Variants in MTDH observed in about 807,000 individuals in gnomAD.
MTDH encodes protein LYRIC.
Under a neutral mutation model 72.7 loss-of-function variants are expected in MTDH, and 34 were observed. The observed-to-expected ratio is 0.47, with a 90% CI of 0.36 to 0.62. The LOEUF (loss-of-function observed/expected upper bound fraction) is 0.62, where lower values mean the gene tolerates loss of function less well. Ranked by LOEUF, MTDH falls within the 20% of genes least tolerant of loss-of-function variation. MTDH has a pLI of 0.00. For synonymous variants in MTDH, 266 were observed against 268.9 expected (o/e 0.99, Z 0.10); for missense variants, 677 against 699.4 (o/e 0.97, Z 0.36).
chr8:97,664,158 T>A (rs1324110039), intron 2 of MTDH, among the ~76,000 whole-genome samples: 1 of 152,048 alleles, frequency 6.6e-6, no homozygotes, highest in East Asian at 1.9e-4. Flanking sequence ...GAGTTTGAGA[T>A]CAGCCTGGTC....
At chr8:97,652,978 G>A (rs1811831687) in intron 1 of MTDH, among the ~76,000 whole-genome samples, 1 of 152,022 alleles carries the variant, frequency 6.6e-6, no homozygotes, top group Admixed American at 6.6e-5. Flanking sequence ...AATCAGCCAG[G>A]CATGGTGGCG....
At chr8:97,664,848 G>A (rs753150771) in intron 2 of MTDH, among the ~76,000 whole-genome samples, 1 of 151,052 alleles carries the variant, frequency 6.6e-6, no homozygotes, top group Non-Finnish European at 1.5e-5. Context: ...TGCAACCTCC[G>A]CCTCCCAGCT....
chr8:97,674,030 C>T (rs2130964442), intron 2 of MTDH, among the ~76,000 whole-genome samples: 1 of 152,090 alleles, frequency 6.6e-6, no homozygotes, highest in African/African-American at 2.4e-5. Flanking sequence ...GTGGCATGCA[C>T]CTGTAGTCCC....
chr8:97,672,164 G>C (rs935587328), intron 2 of MTDH, among the ~76,000 whole-genome samples: 1 of 152,126 alleles, frequency 6.6e-6, no homozygotes, highest in Non-Finnish European at 1.5e-5. Context: ...TGTAAATAAA[G>C]TTTTATGGAA....
At chr8:97,656,953 G>C (rs1003072009) in intron 1 of MTDH, among the ~76,000 whole-genome samples, 3 of 151,622 alleles carry the variant, frequency 2.0e-5, no homozygotes, top group African/African-American at 7.3e-5. Flanking sequence ...CTACACTCCA[G>C]CCTGGGCGAC....
At chr8:97,666,293 G>A (rs912054542) in intron 2 of MTDH, among the ~76,000 whole-genome samples, 4 of 152,166 alleles carry the variant, frequency 2.6e-5, no homozygotes, top group African/African-American at 9.7e-5. Flanking sequence ...GTATTAATAA[G>A]GTCTTAAATT....
intron 1 of MTDH, 76 bp from the exon 2 acceptor site, chr8:97,660,996 T>G: frequency 8.7e-7 from 1 of 1,148,588 alleles, no homozygotes; most frequent in Non-Finnish European, 1.3e-6. Flanking sequence ...GTAGTATATA[T>G]GGTTTCCTGC....
chr8:97,689,161 C>A, intron 5 of MTDH, 58 bp downstream of exon 5: 2 of 878,696 alleles, frequency 2.3e-6, no homozygotes, highest in South Asian at 1.8e-5. Flanking sequence ...AATTTATATA[C>A]ATACCTCTTT....
Position 97,727,023 on chromosome 8 carries a change from C to A in MTDH, c.*2353C>A, listed in dbSNP as rs1815381204. On this transcript the variant is annotated 3_prime_UTR_variant, in exon 12 of 12. Transcript: ENST00000336273. Reference sequence around the variant, plus strand: ...AACCCAGGAGACGGAGTTTGCAAAGCCAAGATCGTGCCACTGCACTCCAGC... The same window carrying A: ...AACCCAGGAGACGGAGTTTGCAAAGACAAGATCGTGCCACTGCACTCCAGC... The A allele has an allele frequency of 6.6e-6, 1 of 150,926 alleles. No homozygotes were observed. 9.3% of individuals were successfully genotyped at this position (150,926 alleles called of 1,614,324 possible). A position where few individuals can be genotyped will look rare whatever the true frequency, so the allele number is the denominator to read the frequency against.
At chr8:97,674,161 A>C (rs1264349087) in intron 2 of MTDH, among the ~76,000 whole-genome samples, 1 of 152,116 alleles carries the variant, frequency 6.6e-6, no homozygotes, top group Non-Finnish European at 1.5e-5. Context: ...TCTGAAAAGA[A>C]CAAAAATGAG....
rs527438611 is a variant in MTDH, at chr8:97,707,298, C to T, written c.1272+548C>T. Among the ~76,000 whole-genome samples, 14 of 151,350 alleles carry T rather than the reference C, an allele frequency of 9.3e-5. No individual in the cohort carries two copies. The South Asian group carries it at 1.9e-3, about 20-fold the overall frequency. On this transcript the variant is annotated intron_variant, in intron 8 of 11. Coordinates refer to ENST00000336273, the MANE Select transcript of MTDH (RefSeq NM_178812.4). Reference sequence around the variant, plus strand: ...TCCTGAGTAGCTGGGATTACTAGCCCGACACTATGCCCGGCTAATTTTTGT... The same window carrying T: ...TCCTGAGTAGCTGGGATTACTAGCCTGACACTATGCCCGGCTAATTTTTGT...
chr8:97,686,790 AATCCTTTTTTAT>A, intron 3 of MTDH, 38 bp downstream of exon 3: 1 of 1,422,060 alleles, frequency 7.0e-7, no homozygotes, highest in Non-Finnish European at 9.6e-7. Context: ...AAAATTTTTT[AATCCTTTTTTAT>A]CAAAGTGTAT....
At chr8:97,679,548 ATCT>A (rs1203542224) in intron 2 of MTDH, among the ~76,000 whole-genome samples, 3 of 152,156 alleles carry the variant, frequency 2.0e-5, no homozygotes, top group Non-Finnish European at 4.4e-5. Context: ...TTCCATTTTG[ATCT>A]TCTTACTTTT....
At chr8:97,682,159 T>C (rs1248467166) in intron 2 of MTDH, among the ~76,000 whole-genome samples, 1 of 145,556 alleles carries the variant, frequency 6.9e-6, no homozygotes, top group Non-Finnish European at 1.5e-5. Flanking sequence ...ATATCACATA[T>C]TTATTTTAAA....
intron 8 of MTDH, among the ~76,000 whole-genome samples, chr8:97,711,940 G>C (rs985153712): frequency 6.6e-6 from 1 of 152,184 alleles, no homozygotes; most frequent in East Asian, 1.9e-4. Context: ...TTCACAGCTG[G>C]CGTGTTTGCA....
At chr8:97,693,775 G>A (rs1440720626) in intron 6 of MTDH, among the ~76,000 whole-genome samples, 1 of 152,134 alleles carries the variant, frequency 6.6e-6, no homozygotes, top group African/African-American at 2.4e-5. Context: ...GAGTGCAGTG[G>A]TGTGATCATT....
At chr8:97,709,688 T>C (rs1814540913) in intron 8 of MTDH, among the ~76,000 whole-genome samples, 1 of 152,244 alleles carries the variant, frequency 6.6e-6, no homozygotes, top group Admixed American at 6.5e-5. Flanking sequence ...TAACTTTTTA[T>C]ATGTGGATAC....
chr8:97,705,803 T>A (rs1303690900), intron 7 of MTDH, among the ~76,000 whole-genome samples: 3 of 152,202 alleles, frequency 2.0e-5, no homozygotes, highest in Non-Finnish European at 4.4e-5. Flanking sequence ...GAGTATATGA[T>A]GTGCAGGGAG....
intron 7 of MTDH, among the ~76,000 whole-genome samples, chr8:97,700,173 G>C (rs1353241528): frequency 6.6e-6 from 1 of 152,016 alleles, no homozygotes; most frequent in Non-Finnish European, 1.5e-5. Flanking sequence ...TAAATATACA[G>C]AAATGGCTTT....
Sources: gnomAD v4.1 joint callset for allele counts (sites outside exome capture counted in the v4.1 genomes callset) on GRCh38, gnomAD v4.1.1 for gene constraint, MANE v1.5 for transcripts, NCBI Gene and HGNC (gene_info 2026-07-23, HGNC 2026-07-21) for gene names.